PDE1A: variants seen among roughly 807,000 people sequenced by gnomAD.
PDE1A encodes the protein dual specificity calcium/calmodulin-dependent 3',5'-cyclic nucleotide phosphodiesterase 1A.
PDE1A carries 35 observed loss-of-function variants against 61.7 expected under a neutral mutation model. The ratio of observed to expected loss-of-function variants is 0.57; its 90% CI spans 0.43 to 0.75. The LOEUF (loss-of-function observed/expected upper bound fraction) is 0.75, where lower values mean the gene tolerates loss of function less well. Among genes scored for constraint, PDE1A ranks in the 30% least tolerant of loss-of-function variants. PDE1A has a pLI of 0.00. For missense variants in PDE1A, 597 were observed against 630.6 expected, an observed-to-expected ratio of 0.95 and a Z score of 0.57; for synonymous variants, 232 against 213.2, an observed-to-expected ratio of 1.09 and a Z score of -0.77.
intron 1 of PDE1A, among the ~76,000 whole-genome samples, chr2:182,340,889 C>T (rs1182488068): frequency 6.6e-6 from 1 of 152,140 alleles, no homozygotes; most frequent in African/African-American, 2.4e-5. Flanking sequence ...TTCTAGGTCT[C>T]AGAATTCTCA....
the PDE1A span, among the ~76,000 whole-genome samples, chr2:182,552,360 C>T: frequency 1.3e-5 from 2 of 151,822 alleles, no homozygotes; most frequent in Non-Finnish European, 2.9e-5. Context: ...TTCAGCTAGT[C>T]ATCCAACAGG....
intron 1 of PDE1A, among the ~76,000 whole-genome samples, chr2:182,336,630 C>A (rs985707096): frequency 6.6e-6 from 1 of 151,678 alleles, no homozygotes; most frequent in Non-Finnish European, 1.5e-5. Context: ...GGGTAGGGGG[C>A]TAGGGGAGGG....
chr2:182,264,260 G>A, intron 2 of PDE1A, 41 bp downstream of exon 2: 1 of 1,330,050 alleles, frequency 7.5e-7, no homozygotes, highest in Non-Finnish European at 1.1e-6. Context: ...AAAAACGGGA[G>A]AGAATCAAAG....
At chr2:182,164,643 G>T (rs1691556047), downstream of PDE1A, among the ~76,000 whole-genome samples, 1 of 151,974 alleles carries the variant, frequency 6.6e-6, no homozygotes, top group South Asian at 2.1e-4. Context: ...GGTGATTCAT[G>T]GGCTCAGCAA....
chr2:182,514,228 C>T (rs189361624), intron 2 of PDE1A, among the ~76,000 whole-genome samples: 14 of 152,314 alleles, frequency 9.2e-5, no homozygotes, highest in Admixed American at 8.5e-4. Context: ...TAGGAAGAAT[C>T]AACATTGCTA....
At chr2:182,448,966 A>G (rs1559473448) in intron 2 of PDE1A, among the ~76,000 whole-genome samples, 1 of 151,852 alleles carries the variant, frequency 6.6e-6, no homozygotes, top group East Asian at 1.9e-4. Context: ...TCTTCTCTAT[A>G]TTTAAAGATA....
At chr2:182,706,743 G>A in the PDE1A span, among the ~76,000 whole-genome samples, 1 of 152,146 alleles carries the variant, frequency 6.6e-6, no homozygotes. Flanking sequence ...CCAATTACAT[G>A]CTAGAAATGT....
At chr2:182,667,633 T>A in the PDE1A span, among the ~76,000 whole-genome samples, 2 of 152,246 alleles carry the variant, frequency 1.3e-5, no homozygotes, top group African/African-American at 4.8e-5. Context: ...TTAGATTCCT[T>A]TCTGCACATG....
chr2:182,239,231 A>G (rs1346126970), intron 3 of PDE1A, among the ~76,000 whole-genome samples: 1 of 152,230 alleles, frequency 6.6e-6, no homozygotes, highest in Non-Finnish European at 1.5e-5. Context: ...AAGATGAGAA[A>G]TAATGCAGTT....
chr2:182,383,620 G>T (rs1700861323), intron 1 of PDE1A, among the ~76,000 whole-genome samples: 1 of 152,152 alleles, frequency 6.6e-6, no homozygotes, highest in Non-Finnish European at 1.5e-5. Context: ...GCAGAGTATG[G>T]CCCTCCAGTA....
intron 8 of PDE1A, 64 bp from the exon 9 acceptor site, chr2:182,201,853 C>A: frequency 1.1e-6 from 1 of 951,808 alleles, no homozygotes; most frequent in Non-Finnish European, 1.6e-6. Flanking sequence ...TGGAACACTT[C>A]AATAAATAAT....
the PDE1A span, among the ~76,000 whole-genome samples, chr2:182,663,647 G>C: frequency 1.3e-5 from 2 of 152,160 alleles, no homozygotes; most frequent in East Asian, 1.9e-4. Context: ...ACATAGAAGG[G>C]AACAACAGAC....
exon 12 of PDE1A, chr2:182,186,506 T>G: frequency 6.2e-7 from 1 of 1,613,168 alleles, no homozygotes; most frequent in Non-Finnish European, 8.5e-7. Flanking sequence ...CTTTTGAGGC[T>G]TCCTCTATAA....
the PDE1A span, among the ~76,000 whole-genome samples, chr2:182,669,904 A>G: frequency 6.6e-6 from 1 of 152,222 alleles, no homozygotes; most frequent in Non-Finnish European, 1.5e-5. Context: ...TATTAGGAAC[A>G]TCTGAGCCCT....
At chr2:182,608,449 G>A in the PDE1A span, among the ~76,000 whole-genome samples, 1 of 152,200 alleles carries the variant, frequency 6.6e-6, no homozygotes, top group Admixed American at 6.5e-5. Context: ...AGCTTGCGAG[G>A]AGATGTGGAG....
chr2:182,641,995 C>T, the PDE1A span, among the ~76,000 whole-genome samples: 2 of 152,264 alleles, frequency 1.3e-5, no homozygotes, highest in East Asian at 3.9e-4. Flanking sequence ...ACTTTCTTTC[C>T]TAACCAATTG....
At chr2:182,330,308 C>A (rs1697322648) in intron 1 of PDE1A, among the ~76,000 whole-genome samples, 1 of 150,380 alleles carries the variant, frequency 6.6e-6, no homozygotes, top group African/African-American at 2.5e-5. Flanking sequence ...CATGCCATTT[C>A]ACTCCAGCCT....
At chr2:182,194,993 G>T (rs1686022228) in intron 10 of PDE1A, among the ~76,000 whole-genome samples, 1 of 150,432 alleles carries the variant, frequency 6.6e-6, no homozygotes, top group Non-Finnish European at 1.5e-5. Flanking sequence ...CTGATTTTTT[G>T]AATTTCTATC....
chr2:182,691,814 G>T, the PDE1A span, among the ~76,000 whole-genome samples: 1 of 151,126 alleles, frequency 6.6e-6, no homozygotes, highest in Non-Finnish European at 1.5e-5. Flanking sequence ...AATCTACAAA[G>T]AACTCAAACA....
Sources: gnomAD v4.1 joint callset for allele counts (sites outside exome capture counted in the v4.1 genomes callset) on GRCh38, gnomAD v4.1.1 for gene constraint, MANE v1.5 for transcripts, NCBI Gene and HGNC (gene_info 2026-07-23, HGNC 2026-07-21) for gene names.